The following TOP2A variants were observed in gnomAD, a reference collection of about 807,000 sequenced individuals.
TOP2A encodes DNA topoisomerase 2-alpha.
A neutral mutation model predicts 187.2 loss-of-function variants in TOP2A; 68 were observed. The observed-to-expected ratio is 0.36, with a 90% CI of 0.30 to 0.44. TOP2A has a LOEUF of 0.44. Ranked by LOEUF, TOP2A falls within the 20% of genes least tolerant of loss-of-function variation. The probability of loss-of-function intolerance (pLI) is 1.00; values close to 1 mark genes in which losing one functional copy is unlikely to be tolerated. For synonymous variants in TOP2A, 542 were observed against 593.2 expected, an observed-to-expected ratio of 0.91 and a Z score of 1.25; for missense variants, 1,196 against 1,808.7, an observed-to-expected ratio of 0.66 and a Z score of 6.14.
At chr17:40,413,421 A>G in intron 5 of TOP2A, 59 bp downstream of exon 5, 1 of 1,414,432 alleles carries the variant, frequency 7.1e-7, no homozygotes, top group Non-Finnish European at 9.5e-7. Flanking sequence ...TGCCACAGAC[A>G]GTCATTTAAA....
chr17:40,400,145 T>C, intron 23 of TOP2A, 64 bp downstream of exon 23: 1 of 1,583,832 alleles, frequency 6.3e-7, no homozygotes, highest in East Asian at 2.3e-5. Context: ...AGATATACTT[T>C]TAAAATTGAT....
chr17:40,400,445 T>A, intron 22 of TOP2A, 36 bp from the exon 23 acceptor site: 1 of 1,607,360 alleles, frequency 6.2e-7, no homozygotes, highest in South Asian at 1.1e-5. Context: ...TTCTAAAATA[T>A]AGGCTTCTGA....
At chr17:40,396,767 C>G (rs551347317) in intron 27 of TOP2A, among the ~76,000 whole-genome samples, 1 of 151,714 alleles carries the variant, frequency 6.6e-6, no homozygotes, top group Non-Finnish European at 1.5e-5. Flanking sequence ...AACTCACATA[C>G]AAAATATGAA....
At chr17:40,399,844 G>A (rs368445057) in intron 24 of TOP2A, 28 bp downstream of exon 24, 2 of 1,550,916 alleles carry the variant, frequency 1.3e-6, no homozygotes, top group East Asian at 4.5e-5. Context: ...TAGAGTTTTA[G>A]TAAGCAGTTA....
At chr17:40,395,231 C>T (rs1411901458) in intron 29 of TOP2A, among the ~76,000 whole-genome samples, 1 of 141,214 alleles carries the variant, frequency 7.1e-6, no homozygotes, top group Non-Finnish European at 1.5e-5. Context: ...TGCAGTGAGC[C>T]GAGATTGTGC....
chr17:40,412,430 G>A (rs2035333605), intron 7 of TOP2A, among the ~76,000 whole-genome samples: 1 of 152,142 alleles, frequency 6.6e-6, no homozygotes, highest in African/African-American at 2.4e-5. Flanking sequence ...TGGATCATGA[G>A]GTCTGGTGTT....
Position 40,396,311 on chromosome 17 carries a change from G to A in TOP2A, c.3692C>T (p.Ala1231Val). The change falls in exon 28 of 35, where the codon GCA becomes GTA. Residue 1231 changes from alanine (A) to valine (V), a missense_variant. By Grantham distance (64) the Ala-to-Val change is moderately conservative. Around this residue, in one of 10 missense-constraint regions of TOP2A, gnomAD observed 374 missense variants for 403.3 expected, o/e 0.93. Coordinates refer to ENST00000423485, the MANE Select transcript of TOP2A (RefSeq NM_001067.4). ...PRITIEMKAEAEKKNKKKIKN... is the reference protein window; with the variant it reads ...PRITIEMKAEVEKKNKKKIKN... ...AATTTTCTTTTTATTTTTCTTTTCT[G>A]CCTCTGCTTTCATTTCTATGGTTAT... is the stretch of plus-strand genomic sequence containing the variant. 1 of 1,601,360 alleles carries A rather than the reference G, an allele frequency of 6.2e-7. No homozygotes were observed. Among genetic ancestry groups the A allele is most frequent in the Non-Finnish European group, 8.6e-7 (1 of 1,169,028 alleles).
intron 13 of TOP2A, 55 bp from the exon 14 acceptor site, chr17:40,406,997 C>G: frequency 7.2e-7 from 1 of 1,394,756 alleles, no homozygotes; most frequent in Non-Finnish European, 9.9e-7. Context: ...GGCGTGGTAG[C>G]TAACATCTGT....
chr17:40,404,311 A>G (rs893661759), intron 18 of TOP2A, 38 bp from the exon 19 acceptor site: 9 of 1,608,798 alleles, frequency 5.6e-6, no homozygotes, highest in African/African-American at 1.3e-5. Context: ...AGTATCCTCA[A>G]TTTAACCAAT....
chr17:40,396,951 T>C (rs2035108678), intron 27 of TOP2A, among the ~76,000 whole-genome samples: 1 of 151,204 alleles, frequency 6.6e-6, no homozygotes. Context: ...TACATGATCA[T>C]AGTTCACTGC....
chr17:40,411,280 T>C lies in TOP2A; in HGVS notation c.1066-34A>G. ...GAAGTTGATATTAAGCCACTAAAAA[T>C]GTACTCATGCTTTATTTATAGCCTT... is the stretch of plus-strand genomic sequence containing the variant. On this transcript the variant is annotated intron_variant, in intron 9 of 34. Coordinates refer to ENST00000423485, the MANE Select transcript of TOP2A (RefSeq NM_001067.4). The surrounding 1 kb of genome is among the most constrained non-coding windows in gnomAD (Gnocchi z 4.4). The C allele has an allele frequency of 6.2e-7, 1 of 1,612,070 alleles. No homozygotes were observed. Among genetic ancestry groups the C allele is most frequent in the Non-Finnish European group, 8.5e-7 (1 of 1,179,292 alleles).
intron 33 of TOP2A, among the ~76,000 whole-genome samples, chr17:40,391,016 A>T (rs2035016273): frequency 6.6e-6 from 1 of 152,108 alleles, no homozygotes; most frequent in African/African-American, 2.4e-5. Flanking sequence ...AACTAGATGA[A>T]GCCTGGTACT....
chr17:40,406,989 C>T (rs1035574527), intron 13 of TOP2A, 47 bp from the exon 14 acceptor site: 25 of 1,443,178 alleles, frequency 1.7e-5, no homozygotes, highest in South Asian at 6.1e-5. Context: ...TTAGGCTGGG[C>T]GTGGTAGCTA....
At chr17:40,405,471 T>TC (rs1464426280) in intron 16 of TOP2A, among the ~76,000 whole-genome samples, 2 of 149,354 alleles carry the variant, frequency 1.3e-5, no homozygotes, top group Non-Finnish European at 3.0e-5. Flanking sequence ...TTTTTTTTTT[T>TC]TGAGACAGAG....
Position 40,401,036 on chromosome 17 carries a change from C to T in TOP2A, c.2478G>A (p.Leu826=), listed in dbSNP as rs1290117068. 46 of 1,613,798 alleles carry T rather than the reference C, an allele frequency of 2.9e-5. No homozygotes were observed. The highest frequency in any genetic ancestry group is 3.6e-5 in the Non-Finnish European group (42 of 1,179,868). Residue 826 remains leucine, a synonymous_variant, in exon 21 of 35, where the codon TTG becomes TTA. Transcript: ENST00000423485. The part of the protein sequence containing the change: ...LLFPPKDDHT[L]KFLYDDNQRV... ...GCTGGTTGTCATCATATAAAAACTT[C>T]AACGTGTGATCATCTTTTGGTGGAA...
intron 10 of TOP2A, among the ~76,000 whole-genome samples, 155 bp downstream of exon 10, chr17:40,410,954 A>G (rs976680265): frequency 2.0e-5 from 3 of 152,234 alleles, no homozygotes; most frequent in Admixed American, 2.0e-4. Flanking sequence ...GTCTTTGGTA[A>G]ATCAGTTAAA....
chr17:40,408,201 T>C (rs1267811025), intron 11 of TOP2A, 77 bp from the exon 12 acceptor site: 2 of 1,183,858 alleles, frequency 1.7e-6, no homozygotes, highest in Non-Finnish European at 2.3e-6. Flanking sequence ...ATGCTGTTTA[T>C]AGCCTTGTGA....
At chr17:40,407,029 C>T (rs775649206) in intron 13 of TOP2A, 87 bp from the exon 14 acceptor site, 33 of 1,065,786 alleles carry the variant, frequency 3.1e-5, no homozygotes, top group Middle Eastern at 2.3e-4. Context: ...TTTGGGAGGC[C>T]GAGGCAGGCG....
At chr17:40,417,695 T>TC in intron 1 of TOP2A, 76 bp downstream of exon 1, 1 of 1,604,132 alleles carries the variant, frequency 6.2e-7, no homozygotes, top group Non-Finnish European at 8.5e-7. Flanking sequence ...CCCCAGAGCT[T>TC]CACCCGTCAC....
Sources: allele counts gnomAD v4.1 joint callset (sites outside exome capture counted in the v4.1 genomes callset), GRCh38; gene constraint gnomAD v4.1.1; regional missense constraint gnomAD v4.1.1; non-coding constraint Gnocchi (gnomAD v3.1); transcripts MANE v1.5; gene names NCBI Gene and HGNC (gene_info 2026-07-23, HGNC 2026-07-21).